The following ITPR2 variants were observed in gnomAD, a reference collection of about 807,000 sequenced individuals.
The protein encoded by ITPR2 is inositol 1,4,5-trisphosphate receptor type 2, also known as inositol 1,4,5-trisphosphate-gated calcium channel ITPR2.
A neutral mutation model predicts 317.1 loss-of-function variants in ITPR2; 207 were observed. The observed-to-expected ratio is 0.65, with a 90% CI of 0.58 to 0.73. The LOEUF (loss-of-function observed/expected upper bound fraction) is 0.73, where lower values mean the gene tolerates loss of function less well. Ranked by LOEUF, ITPR2 falls within the 30% of genes least tolerant of loss-of-function variation. The probability of loss-of-function intolerance (pLI) is 0.00; values close to 1 mark genes in which losing one functional copy is unlikely to be tolerated. For missense variants in ITPR2, 2,613 were observed against 3,284.0 expected (o/e 0.80, Z 4.99); for synonymous variants, 1,156 against 1,149.1 (o/e 1.01, Z -0.12).
At chr12:26,481,876 G>A (rs1942552216) in intron 42 of ITPR2, among the ~76,000 whole-genome samples, 1 of 152,076 alleles carries the variant, frequency 6.6e-6, no homozygotes, top group African/African-American at 2.4e-5. Context: ...ATCTTGATTG[G>A]GGAAAATTTA....
chr12:26,550,354 A>G lies in ITPR2; in HGVS notation c.4966T>C (p.Leu1656=), dbSNP rs866755666. The G allele has an allele frequency of 8.1e-7, 1 of 1,237,414 alleles. No homozygotes were observed. The highest frequency in any genetic ancestry group is 1.2e-6 in the Non-Finnish European group (1 of 852,660). 76.7% of individuals were successfully genotyped at this position (1,237,414 alleles called of 1,614,324 possible). Residue 1656 remains leucine, a splice_region_variant and synonymous_variant, in exon 37 of 57, where the codon TTG becomes CTG. Transcript: ENST00000381340. The stretch of plus-strand genomic sequence containing the variant: ...ATTAGTTTCTTTGTATGATTAATCA[A>G]CCTTAAAGCAAAACATGAGACCTTT... ...RIRCGAFMSK[L]INHTKKLMEK...
chr12:26,406,428 GTTTTTTTTTT>G (rs11358278), intron 52 of ITPR2: 2 of 100,276 alleles, frequency 2.0e-5, no homozygotes, highest in East Asian at 6.1e-4. Context: ...GAAATATGAA[GTTTTTTTTTT>G]TTTTTTTTTT....
chr12:26,632,961 A>G (rs1946786788), intron 21 of ITPR2, among the ~76,000 whole-genome samples: 1 of 152,188 alleles, frequency 6.6e-6, no homozygotes, highest in Non-Finnish European at 1.5e-5. Flanking sequence ...AGCAATAAGG[A>G]TGCAAAAGAA....
At chr12:26,713,392 C>T (rs1948683999) in intron 8 of ITPR2, among the ~76,000 whole-genome samples, 1 of 152,106 alleles carries the variant, frequency 6.6e-6, no homozygotes, top group Non-Finnish European at 1.5e-5. Flanking sequence ...TAGAAATAAG[C>T]CTACCACCGA....
intron 52 of ITPR2, chr12:26,406,713 T>C (rs1008803564): frequency 6.6e-6 from 1 of 152,188 alleles, no homozygotes; most frequent in African/African-American, 2.4e-5. Context: ...ATAGAAGTTA[T>C]TTTTAAATTT....
intron 2 of ITPR2, among the ~76,000 whole-genome samples, chr12:26,777,888 C>A (rs373111259): frequency 2.6e-5 from 4 of 152,156 alleles, no homozygotes; most frequent in Admixed American, 1.3e-4. Context: ...TAACTGTGCA[C>A]TGGAGAAAGG....
chr12:26,659,713 TTCTA>T (rs2136912071), intron 15 of ITPR2, among the ~76,000 whole-genome samples: 1 of 152,342 alleles, frequency 6.6e-6, no homozygotes, highest in South Asian at 2.1e-4. Context: ...GAGGCTTTTC[TTCTA>T]TCTCTTACTT....
chr12:26,360,189 G>A, intron 55 of ITPR2, among the ~76,000 whole-genome samples: 1 of 152,146 alleles, frequency 6.6e-6, no homozygotes, highest in East Asian at 1.9e-4. Context: ...TGGAAAGCAA[G>A]CTCTGAGGCT....
At chr12:26,758,475 C>T (rs1207182502) in intron 2 of ITPR2, among the ~76,000 whole-genome samples, 3 of 152,196 alleles carry the variant, frequency 2.0e-5, no homozygotes. Context: ...CATCTTAACG[C>T]TAGCCTTTCT....
rs375389102 is a variant in ITPR2 at position 26,428,085 on chromosome 12, G to A, written c.6773C>T (p.Thr2258Ile). 8.2e-6 allele frequency: 13 copies of A among 1,587,184 alleles called. No individual in the cohort carries two copies. In the African/African-American group the frequency reaches 1.4e-4, roughly 17 times the overall value. The change falls in exon 49 of 57, where the codon ACA (threonine) becomes ATA (isoleucine). Residue 2258 changes from threonine (T) to isoleucine (I), a missense_variant. Thr to Ile is a moderately conservative substitution (Grantham distance 89). Transcript: ENST00000381340. The part of the protein sequence containing the change: ...YPFGDDGDEG[T>I]LSPLFSVLLW... The stretch of plus-strand genomic sequence containing the variant: ...AAGAACCGAGAACAATGGAGAAAGT[G>A]TACCTGTAAAATGTGGAAGAAATTT...
chr12:26,555,416 AC>A (rs1398633043), intron 36 of ITPR2, among the ~76,000 whole-genome samples: 1 of 151,922 alleles, frequency 6.6e-6, no homozygotes, highest in Non-Finnish European at 1.5e-5. Flanking sequence ...AAGACCAAGC[AC>A]CCTCTTTCTG....
chr12:26,813,516 T>G (rs1043175172), intron 1 of ITPR2, among the ~76,000 whole-genome samples: 2 of 152,234 alleles, frequency 1.3e-5, no homozygotes, highest in African/African-American at 4.8e-5. Flanking sequence ...TTGGGAAGTT[T>G]GTTTCAGAAA....
Position 26,707,594 on chromosome 12 carries a change from C to T in ITPR2, c.951+3579G>A, listed in dbSNP as rs563377013. ...TTGCCCACGCTGAAGTGCAATGGCA[C>T]GATCTTGGCTCACTGCAACCTCCAC... On this transcript the variant is annotated intron_variant, in intron 9 of 56. Transcript: ENST00000381340. 6.6e-5 allele frequency among the ~76,000 whole-genome samples: 10 copies of T among 152,312 alleles called. No individual in the cohort carries two copies. The South Asian group carries it at 8.3e-4, about 13-fold the overall frequency.
In ITPR2 at chr12:26,686,546, A is replaced by G; in HGVS notation, c.1083T>C (p.Asn361=). Residue 361 remains asparagine, a synonymous_variant, in exon 11 of 57, where the codon AAT becomes AAC. Transcript: ENST00000381340. The stretch of plus-strand genomic sequence containing the variant: ...CTAGTTCAAAAAGGGATGCAATGTC[A>G]TTGCCATGCGGGACTGAAACCAAAG... The part of the protein sequence containing the change: ...MYTLVSVPHG[N]DIASLFELDA... 6.2e-7 allele frequency: 1 copy of G among 1,612,500 alleles called. No individual in the cohort carries two copies. The highest frequency in any genetic ancestry group is 8.5e-7 in the Non-Finnish European group (1 of 1,179,110).
chr12:26,722,217 T>C (rs1273007728), intron 5 of ITPR2, among the ~76,000 whole-genome samples, 180 bp downstream of exon 5: 3 of 152,234 alleles, frequency 2.0e-5, no homozygotes, highest in African/African-American at 7.2e-5. Context: ...CTTTGTCTTA[T>C]GACTTCTGAG....
chr12:26,505,959 G>A (rs1232937429), intron 37 of ITPR2, among the ~76,000 whole-genome samples: 6 of 150,824 alleles, frequency 4.0e-5, no homozygotes, highest in African/African-American at 1.5e-4. Flanking sequence ...TACAAGGCTG[G>A]GTGCCTTGTA....
chr12:26,772,423 TTATATATAATACATGTATTATATATATTA>T lies in ITPR2; in HGVS notation c.163+17705_163+17733del, dbSNP rs1243641166. 3.0e-3 allele frequency among the ~76,000 whole-genome samples: 278 copies of T among 93,976 alleles called. 1 individual carries two copies. The highest frequency in any genetic ancestry group is 8.9e-3 in the African/African-American group (270 of 30,190). 61.7% of individuals were successfully genotyped at this position (93,976 alleles called of 152,430 possible). On this transcript the variant is annotated intron_variant, in intron 2 of 56. Transcript: ENST00000381340. The stretch of plus-strand genomic sequence containing the variant: ...TATATAATATACACATTTATATATA[TTATATATAATACATGTATTATATATATTA>T]TATATATAATACATGTATTATATAT...
At chr12:26,743,257 T>A (rs1191204499) in intron 2 of ITPR2, among the ~76,000 whole-genome samples, 2 of 152,214 alleles carry the variant, frequency 1.3e-5, no homozygotes, top group African/African-American at 4.8e-5. Context: ...AAAACAGTGG[T>A]TACCTTTGGC....
intron 10 of ITPR2, among the ~76,000 whole-genome samples, chr12:26,688,153 G>A (rs977625925): frequency 1.3e-5 from 2 of 151,822 alleles, no homozygotes; most frequent in Non-Finnish European, 2.9e-5. Context: ...CTCCCACCTC[G>A]GCCTCCTGGG....
Sources: gnomAD v4.1 joint callset for allele counts (sites outside exome capture counted in the v4.1 genomes callset) on GRCh38, gnomAD v4.1.1 for gene constraint, MANE v1.5 for transcripts, NCBI Gene and HGNC (gene_info 2026-07-23, HGNC 2026-07-21) for gene names.